AGO1: variants seen among roughly 807,000 people sequenced by gnomAD.
AGO1 encodes the protein argonaute RISC component 1.
A neutral mutation model predicts 109.2 loss-of-function variants in AGO1; 11 were observed. The observed-to-expected ratio is 0.10, with a 90% CI of 0.06 to 0.17. The LOEUF (loss-of-function observed/expected upper bound fraction) is 0.17, where lower values mean the gene tolerates loss of function less well. Ranked by LOEUF, AGO1 falls within the 10% of genes least tolerant of loss-of-function variation. The pLI, the probability that AGO1 is intolerant of heterozygous loss-of-function variation, is 1.00. For missense variants in AGO1, 574 were observed against 1,140.3 expected, an observed-to-expected ratio of 0.50 and a Z score of 7.15; for synonymous variants, 422 against 418.6, an observed-to-expected ratio of 1.01 and a Z score of -0.10.
In AGO1 at chr1:35,888,430, C is replaced by G. The variant is rs146814747; in HGVS notation, c.29C>G (p.Ala10Gly). The G allele has an allele frequency of 5.1e-4, 826 of 1,613,710 alleles. No homozygotes were observed. The highest frequency in any genetic ancestry group is 6.5e-4 in the Non-Finnish European group (766 of 1,179,832). The change falls in exon 2 of 19, where the codon GCG becomes GGG. Residue 10 changes from alanine to glycine, a missense_variant. Transcript: ENST00000373204. This position sits in a 1 kb window ranked among gnomAD's most constrained non-coding sequence, Gnocchi z 4.1. MEAGPSGAA[A>G]GAYLPPLQQV... ...CACCAGCCTCTTTGTCTTGTAGCTGCGGGCGCTTACCTGCCCCCCCTGCAG... is the reference window on the plus strand; with the variant it reads ...CACCAGCCTCTTTGTCTTGTAGCTGGGGGCGCTTACCTGCCCCCCCTGCAG...
At chr1:35,879,576 G>A (rs556168927), upstream of AGO1, among the ~76,000 whole-genome samples, 86 of 151,362 alleles carry the variant, frequency 5.7e-4, no homozygotes, top group Non-Finnish European at 1.1e-3. Context: ...TGGCCAACAT[G>A]GCGCAAAAAT....
At chr1:35,873,288 A>T (rs1644968035) in intron 1 of AGO1, 1 of 153,474 alleles carries the variant, frequency 6.5e-6, no homozygotes, top group South Asian at 2.1e-4. Context: ...CTGTATGGAC[A>T]TTAGGGGGCT....
At position 35,929,484 on chromosome 1, in the gene AGO1, T is replaced by C. The variant is rs1645994690; in HGVS notation, c.*9877T>C. ...AGTCTGCCTTTGTTTAGGGAACCGGTTCCAGAATCAGAGGGGTTGAGGATA... is the reference window on the plus strand; with the variant it reads ...AGTCTGCCTTTGTTTAGGGAACCGGCTCCAGAATCAGAGGGGTTGAGGATA... On this transcript the variant is annotated 3_prime_UTR_variant, in exon 19 of 19. Coordinates refer to ENST00000373204, the MANE Select transcript of AGO1 (RefSeq NM_012199.5). 1 of 152,226 alleles carries C rather than the reference T, an allele frequency of 6.6e-6. No individual in the cohort carries two copies. The highest frequency in any genetic ancestry group is 1.5e-5 in the Non-Finnish European group (1 of 68,046). The allele number at this position is 152,226 out of a possible 1,614,324, so 9.4% of individuals were successfully genotyped here.
At chr1:35,879,473 T>C (rs1645018085), upstream of AGO1, among the ~76,000 whole-genome samples, 2 of 138,656 alleles carry the variant, frequency 1.4e-5, no homozygotes, top group South Asian at 4.6e-4. Flanking sequence ...AAAAGTAAAA[T>C]GCAGCTGGGC....
At chr1:35,891,211 TAA>T (rs1370949873) in intron 2 of AGO1, among the ~76,000 whole-genome samples, 2 of 152,252 alleles carry the variant, frequency 1.3e-5, no homozygotes, top group African/African-American at 4.8e-5. Context: ...ACAGTGCTTC[TAA>T]TGTACCATTT....
In AGO1 at chr1:35,921,963, A is replaced by T. The variant is rs962811047; in HGVS notation, c.*2356A>T. Reference sequence around the variant, plus strand: ...TATACAGTCTACTTCGTGTTCTGTCACCCTTTGGGGAGGGGAGTTCTCCTG... The same window carrying T: ...TATACAGTCTACTTCGTGTTCTGTCTCCCTTTGGGGAGGGGAGTTCTCCTG... On this transcript the variant is annotated 3_prime_UTR_variant, in exon 19 of 19. Transcript: ENST00000373204. 6.5e-6 allele frequency: 1 copy of T among 152,680 alleles called. No homozygotes were observed. Among genetic ancestry groups the T allele is most frequent in the African/African-American group, 2.4e-5 (1 of 41,438 alleles). 9.5% of individuals were successfully genotyped at this position (152,680 alleles called of 1,614,324 possible).
intron 1 of AGO1, among the ~76,000 whole-genome samples, chr1:35,874,314 T>C (rs1423779204): frequency 6.6e-6 from 1 of 152,184 alleles, no homozygotes; most frequent in Non-Finnish European, 1.5e-5. Context: ...ACTACAGGCA[T>C]GCACCACCAT....
At chr1:35,914,305 G>A (rs775118197) in intron 14 of AGO1, 31 bp downstream of exon 14, 2 of 1,580,624 alleles carry the variant, frequency 1.3e-6, no homozygotes, top group South Asian at 1.1e-5. Context: ...GCCTCATAAG[G>A]TTCTCCTCTT....
In AGO1 at chr1:35,906,933, A is replaced by C; in HGVS notation, c.1398-2A>C. 6.2e-7 allele frequency: 1 copy of C among 1,609,624 alleles called. No individual in the cohort carries two copies. Among genetic ancestry groups the C allele is most frequent in the Non-Finnish European group, 8.5e-7 (1 of 1,177,350 alleles). ...CTCCTTTGTGACCATGCGTGTGTAC[A>C]GGAACTTCACAGACCAGCTGCGGAA... On this transcript the variant is annotated splice_acceptor_variant, in intron 11 of 18. Transcript: ENST00000373204. LOFTEE classifies it high-confidence loss of function.
At position 35,901,862 on chromosome 1, in the gene AGO1, C is replaced by T. The variant is rs540717133; in HGVS notation, c.1141-86C>T. 786 of 1,509,128 alleles carry T rather than the reference C, an allele frequency of 5.2e-4. 3 individuals carry two copies. The highest frequency in any genetic ancestry group is 7.6e-4 in the Admixed American group (34 of 44,708). 93.5% of individuals were successfully genotyped at this position (1,509,128 alleles called of 1,614,324 possible). ...CTATTCCGTACCAACCCCAGCTTCT[C>T]CTTAGGGTTCTCTCCTTGATACCCA... On this transcript the variant is annotated intron_variant, in intron 9 of 18. Coordinates refer to ENST00000373204, the MANE Select transcript of AGO1 (RefSeq NM_012199.5). This position sits in a 1 kb window ranked among gnomAD's most constrained non-coding sequence, Gnocchi z 4.8.
In AGO1 at chr1:35,901,721, C is replaced by T. The variant is rs947830512; in HGVS notation, c.1140+128C>T. The T allele has an allele frequency of 2.1e-6, 3 of 1,453,196 alleles. No homozygotes were observed. The highest frequency in any genetic ancestry group is 2.8e-5 in the African/African-American group (2 of 70,464). The allele number at this position is 1,453,196 out of a possible 1,614,324, so 90.0% of individuals were successfully genotyped here. A position where few individuals can be genotyped will look rare whatever the true frequency, so the allele number is the denominator to read the frequency against. On this transcript the variant is annotated intron_variant, in intron 9 of 18. Coordinates refer to ENST00000373204, the MANE Select transcript of AGO1 (RefSeq NM_012199.5). The surrounding 1 kb of genome is among the most constrained non-coding windows in gnomAD (Gnocchi z 4.8). ...TGTTGCCTAGGACTGTATAAGGCTG[C>T]TTTTGCTTCTTGACCGTATAGCTAC...
In AGO1 at chr1:35,883,254, C is replaced by CGCGGCG; in HGVS notation, c.-162_-157dup. ...TCGCAGTGGGAGCTGCTGCAGGCTC[C>CGCGGCG]GCGGCGGCGGCAACGGAGGCTGCGG... is the stretch of plus-strand genomic sequence containing the variant. On this transcript the variant is annotated 5_prime_UTR_variant, in exon 1 of 19. Transcript: ENST00000373204. The surrounding 1 kb of genome is among the most constrained non-coding windows in gnomAD (Gnocchi z 5.4). The CGCGGCG allele has an allele frequency of 7.4e-7, 1 of 1,345,358 alleles. No homozygotes were observed. Among genetic ancestry groups the CGCGGCG allele is most frequent in the Non-Finnish European group, 9.5e-7 (1 of 1,047,344 alleles). The allele number at this position is 1,345,358 out of a possible 1,614,324, so 83.3% of individuals were successfully genotyped here. A position where few individuals can be genotyped will look rare whatever the true frequency, so the allele number is the denominator to read the frequency against.
chr1:35,915,556 T>C lies in AGO1; in HGVS notation c.2028+14T>C. 1 of 1,611,274 alleles carries C rather than the reference T, an allele frequency of 6.2e-7. No individual in the cohort carries two copies. The highest frequency in any genetic ancestry group is 8.5e-7 in the Non-Finnish European group (1 of 1,178,338). On this transcript the variant is annotated intron_variant, in intron 15 of 18. Transcript: ENST00000373204. ...CAGCTACCCCAGGTAGGGCCCACAG[T>C]AGGTGGAGAAAACCTTCACATCATG...
chr1:35,882,030 C>T (rs1645042468), upstream of AGO1, among the ~76,000 whole-genome samples: 1 of 152,166 alleles, frequency 6.6e-6, no homozygotes, highest in Non-Finnish European at 1.5e-5. The surrounding 1 kb of genome is among the most constrained non-coding windows in gnomAD (Gnocchi z 5.1). Context: ...CATGTCAAGA[C>T]GTGGTGAACA....
At chr1:35,914,374 T>A in intron 14 of AGO1, 100 bp downstream of exon 14, 1 of 914,406 alleles carries the variant, frequency 1.1e-6, no homozygotes, top group Non-Finnish European at 1.7e-6. Flanking sequence ...CTCTTGAGCC[T>A]TCATAAGATG....
chr1:35,910,855 A>G (rs1571369641), intron 12 of AGO1, among the ~76,000 whole-genome samples: 2 of 152,302 alleles, frequency 1.3e-5, no homozygotes, highest in Middle Eastern at 3.4e-3. Context: ...ACCTGAGTTG[A>G]GGAGTTTGAT....
rs775515104 is a variant in AGO1, at chr1:35,883,513, G to T, written c.25+67G>T. ...CTGGGGGATCCCGCATGAAAAGCGTGGTTTCCAAGTGATGGAAGCGCTCCT... is the reference window on the plus strand; with the variant it reads ...CTGGGGGATCCCGCATGAAAAGCGTTGTTTCCAAGTGATGGAAGCGCTCCT... On this transcript the variant is annotated intron_variant, in intron 1 of 18. Transcript: ENST00000373204. This position sits in a 1 kb window ranked among gnomAD's most constrained non-coding sequence, Gnocchi z 5.4. 1.2e-5 allele frequency: 18 copies of T among 1,473,126 alleles called. No homozygotes were observed. The highest frequency in any genetic ancestry group is 1.6e-5 in the Non-Finnish European group (18 of 1,113,870). 91.3% of individuals were successfully genotyped at this position (1,473,126 alleles called of 1,614,324 possible). A position where few individuals can be genotyped will look rare whatever the true frequency, so the allele number is the denominator to read the frequency against.
intron 2 of AGO1, among the ~76,000 whole-genome samples, chr1:35,890,916 G>A (rs1397679613): frequency 1.3e-5 from 2 of 152,096 alleles, no homozygotes; most frequent in Non-Finnish European, 2.9e-5. Flanking sequence ...ATGTATGGAA[G>A]GGGCATTTTG....
intron 8 of AGO1, among the ~76,000 whole-genome samples, chr1:35,897,624 G>A (rs1243552046): frequency 6.6e-6 from 1 of 152,050 alleles, no homozygotes; most frequent in Admixed American, 6.6e-5. Context: ...GGTGTGGTGT[G>A]GTCCCAGCTA....
Sources: allele counts gnomAD v4.1 joint callset (sites outside exome capture counted in the v4.1 genomes callset), GRCh38; gene constraint gnomAD v4.1.1; non-coding constraint Gnocchi (gnomAD v3.1); transcripts MANE v1.5; gene names NCBI Gene and HGNC (gene_info 2026-07-23, HGNC 2026-07-21).